CADM2: variants seen among roughly 807,000 people sequenced by gnomAD.
The protein encoded by CADM2 is immunoglobulin superfamily member 4D.
CADM2 carries 12 observed loss-of-function variants against 49.8 expected under a neutral mutation model. The observed-to-expected ratio is 0.24, with a 90% confidence interval of 0.15 to 0.39. The LOEUF is 0.39. CADM2 is among the 10% of genes least tolerant of loss of function. The probability of loss-of-function intolerance (pLI) is 1.00; values close to 1 mark genes in which losing one functional copy is unlikely to be tolerated. For missense variants in CADM2, 378 were observed against 492.3 expected (o/e 0.77, Z 2.20); for synonymous variants, 214 against 175.4 (o/e 1.22, Z -1.74).
At chr3:85,808,729 A>C (rs1445655023) in intron 3 of CADM2, among the ~76,000 whole-genome samples, 1 of 152,182 alleles carries the variant, frequency 6.6e-6, no homozygotes, top group African/African-American at 2.4e-5. Flanking sequence ...TTTTTTTAAT[A>C]ATCCTTAAAA....
At chr3:85,791,587 CAGAG>C (rs1033278537) in intron 2 of CADM2, among the ~76,000 whole-genome samples, 2 of 131,454 alleles carry the variant, frequency 1.5e-5, no homozygotes, top group East Asian at 2.2e-4. Flanking sequence ...GAAAGAGAGA[CAGAG>C]AGAGAGAAAA....
At chr3:85,509,208 A>G (rs1406477511) in intron 1 of CADM2, among the ~76,000 whole-genome samples, 1 of 152,156 alleles carries the variant, frequency 6.6e-6, no homozygotes, top group Non-Finnish European at 1.5e-5. Flanking sequence ...CTTAAATGCT[A>G]TATCCAGCAT....
intron 1 of CADM2, among the ~76,000 whole-genome samples, chr3:85,195,670 A>G (rs559109453): frequency 6.6e-6 from 1 of 152,166 alleles, no homozygotes. Flanking sequence ...ATAAATTTAC[A>G]TACATGTGTT....
At chr3:85,445,488 T>C (rs1312766650) in intron 1 of CADM2, among the ~76,000 whole-genome samples, 1 of 152,078 alleles carries the variant, frequency 6.6e-6, no homozygotes, top group African/African-American at 2.4e-5. Flanking sequence ...TATTATAATA[T>C]GTACATTTAT....
chr3:85,669,197 TA>T (rs146833316), intron 1 of CADM2, among the ~76,000 whole-genome samples: 325 of 151,208 alleles, frequency 2.1e-3, no homozygotes, highest in African/African-American at 7.4e-3. Context: ...ATTGGTAAGA[TA>T]AAAAAAAATA....
intron 8 of CADM2, among the ~76,000 whole-genome samples, chr3:86,049,396 T>A (rs1253237987): frequency 1.3e-5 from 2 of 151,684 alleles, no homozygotes; most frequent in Non-Finnish European, 1.5e-5. Context: ...TGCCTCAGCC[T>A]CCCGAGTAGC....
At chr3:85,794,945 T>C (rs1282427907) in intron 2 of CADM2, among the ~76,000 whole-genome samples, 6 of 152,224 alleles carry the variant, frequency 3.9e-5, no homozygotes, top group Admixed American at 6.5e-5. Flanking sequence ...CCAAGATTTT[T>C]AAATTTTAAA....
chr3:85,157,716 A>G (rs1463487937), intron 1 of CADM2, among the ~76,000 whole-genome samples: 2 of 151,926 alleles, frequency 1.3e-5, no homozygotes, highest in Non-Finnish European at 2.9e-5. Context: ...CTTAAACGTT[A>G]GACCTAAAAC....
At chr3:85,382,969 A>G (rs968860816) in intron 1 of CADM2, among the ~76,000 whole-genome samples, 1 of 152,148 alleles carries the variant, frequency 6.6e-6, no homozygotes, top group Non-Finnish European at 1.5e-5. Flanking sequence ...GACCAACTGT[A>G]ACCTAACTTT....
intron 2 of CADM2, among the ~76,000 whole-genome samples, chr3:85,763,742 T>C (rs187209516): frequency 1.8e-4 from 28 of 152,284 alleles, no homozygotes; most frequent in Admixed American, 1.8e-3. Flanking sequence ...TCTTTTCTCA[T>C]TTCTTTCCTC....
intron 1 of CADM2, among the ~76,000 whole-genome samples, chr3:85,618,261 CT>C (rs1344335229): frequency 1.3e-5 from 2 of 151,778 alleles, no homozygotes; most frequent in East Asian, 1.9e-4. Flanking sequence ...TCAGAGGTAC[CT>C]TTTTTCCCCA....
chr3:85,507,033 A>G (rs895563387), intron 1 of CADM2, among the ~76,000 whole-genome samples: 10 of 152,196 alleles, frequency 6.6e-5, no homozygotes, highest in African/African-American at 2.4e-4. Flanking sequence ...AGTAAAATAA[A>G]TGTATGAAGG....
At chr3:85,909,614 C>T (rs1223820589) in intron 5 of CADM2, among the ~76,000 whole-genome samples, 1 of 152,160 alleles carries the variant, frequency 6.6e-6, no homozygotes, top group African/African-American at 2.4e-5. Flanking sequence ...AGACTCCACA[C>T]TCTAACCTAC....
At chr3:85,509,014 TG>T (rs999590845) in intron 1 of CADM2, among the ~76,000 whole-genome samples, 8 of 152,182 alleles carry the variant, frequency 5.3e-5, no homozygotes, top group Non-Finnish European at 1.0e-4. Flanking sequence ...TTTTAATTGA[TG>T]TTTTTATGAA....
intron 1 of CADM2, among the ~76,000 whole-genome samples, chr3:85,123,180 C>A (rs1301796464): frequency 6.6e-6 from 1 of 151,906 alleles, no homozygotes; most frequent in Non-Finnish European, 1.5e-5. Context: ...TAAAAAGTTT[C>A]TAGTTAAATG....
At chr3:85,697,505 A>G (rs1468277618) in intron 1 of CADM2, among the ~76,000 whole-genome samples, 1 of 152,158 alleles carries the variant, frequency 6.6e-6, no homozygotes, top group Non-Finnish European at 1.5e-5. Flanking sequence ...TATTTGTAAA[A>G]TGATACACAA....
At chr3:85,968,065 T>G (rs1725680080) in intron 8 of CADM2, among the ~76,000 whole-genome samples, 1 of 151,632 alleles carries the variant, frequency 6.6e-6, no homozygotes, top group South Asian at 2.1e-4. Context: ...GCATCCATAC[T>G]GAGCAACAAA....
chr3:85,791,717 G>GTTGT (rs1553687218), intron 2 of CADM2, among the ~76,000 whole-genome samples: 4 of 151,980 alleles, frequency 2.6e-5, no homozygotes, highest in Admixed American at 6.6e-5. Flanking sequence ...TTTTGTTGTT[G>GTTGT]TTGTTTGTTT....
At chr3:85,631,645 A>G (rs2064310479) in intron 1 of CADM2, among the ~76,000 whole-genome samples, 1 of 152,124 alleles carries the variant, frequency 6.6e-6, no homozygotes, top group Non-Finnish European at 1.5e-5. Flanking sequence ...ACAGCTACTT[A>G]CTTAATATTA....
Sources: allele counts gnomAD v4.1 joint callset (sites outside exome capture counted in the v4.1 genomes callset), GRCh38; gene constraint gnomAD v4.1.1; transcripts MANE v1.5; gene names NCBI Gene and HGNC (gene_info 2026-07-23, HGNC 2026-07-21).